SLC39A11: variants seen among roughly 807,000 people sequenced by gnomAD.
The protein encoded by SLC39A11 is zinc transporter ZIP11.
In SLC39A11, 33 loss-of-function variants were observed where a neutral mutation model predicts 36.1. The observed-to-expected ratio is 0.91, with a 90% CI of 0.69 to 1.22. The LOEUF is 1.22. SLC39A11 is among the 50% of genes most tolerant of loss of function. SLC39A11 has a pLI of 0.00. For synonymous variants in SLC39A11, 166 were observed against 170.3 expected, an observed-to-expected ratio of 0.97 and a Z score of 0.20; for missense variants, 432 against 430.3, an observed-to-expected ratio of 1.00 and a Z score of -0.03.
At chr17:72,835,077 G>T (rs1264803787) in intron 6 of SLC39A11, among the ~76,000 whole-genome samples, 5 of 152,228 alleles carry the variant, frequency 3.3e-5, no homozygotes, top group African/African-American at 1.2e-4. Context: ...ATCCAACAGC[G>T]TCATTTAGAA....
At chr17:72,849,865 T>C in intron 5 of SLC39A11, 61 bp from the exon 6 acceptor site, 1 of 1,417,550 alleles carries the variant, frequency 7.1e-7, no homozygotes, top group African/African-American at 1.4e-5. Context: ...ATGTGCACGT[T>C]AACTCTCCAG....
intron 5 of SLC39A11, among the ~76,000 whole-genome samples, chr17:72,909,954 G>A (rs930965022): frequency 9.9e-5 from 15 of 151,490 alleles, no homozygotes; most frequent in East Asian, 9.8e-4. Context: ...GGGTTTCACC[G>A]TGTTAGCCAG....
At chr17:72,967,911 G>A (rs1219127530) in intron 4 of SLC39A11, among the ~76,000 whole-genome samples, 2 of 151,858 alleles carry the variant, frequency 1.3e-5, no homozygotes, top group Admixed American at 1.3e-4. Context: ...TGCAGTCTCA[G>A]TTCTTTTCCA....
In SLC39A11 at chr17:72,647,593, G is replaced by T; in HGVS notation, c.999C>A (p.Gly333=). Residue 333 remains glycine (G), a synonymous_variant, in exon 10 of 10, where the codon GGC becomes GGA. Coordinates refer to ENST00000255559, the MANE Select transcript of SLC39A11 (RefSeq NM_139177.4). ...CCGAAGCGTCTCAGCCCTAGCCCAG[G>T]CCAACGTCCAGTGACATCATCACTA... ...GFVVMMSLDV[G]LG The T allele has an allele frequency of 6.2e-7, 1 of 1,613,706 alleles. No individual in the cohort carries two copies. The highest frequency in any genetic ancestry group is 2.2e-5 in the East Asian group (1 of 44,872).
chr17:73,042,185 A>C (rs773726060), intron 3 of SLC39A11, among the ~76,000 whole-genome samples: 1 of 152,334 alleles, frequency 6.6e-6, no homozygotes, highest in South Asian at 2.1e-4. Flanking sequence ...TTCCTTTATT[A>C]TAGTAGTGAC....
At chr17:72,901,379 G>A (rs2082388339) in intron 5 of SLC39A11, among the ~76,000 whole-genome samples, 1 of 152,196 alleles carries the variant, frequency 6.6e-6, no homozygotes, top group African/African-American at 2.4e-5. Flanking sequence ...GGTTGTGGGT[G>A]GAAGGCAGGG....
rs535102912 is a variant in SLC39A11, at chr17:72,915,827, G to A, written c.430+31925C>T. On this transcript the variant is annotated intron_variant, in intron 5 of 9. Transcript: ENST00000255559. ...GACTGCTATGAAGTGAAATGTCCCC[G>A]AATCCATTTTTTCAAAAGTCTGCTA... Among the ~76,000 whole-genome samples, 18 of 152,274 alleles carry A rather than the reference G, an allele frequency of 1.2e-4. No homozygotes were observed. The East Asian group carries it at 1.3e-3, about 11-fold the overall frequency.
intron 3 of SLC39A11, among the ~76,000 whole-genome samples, chr17:73,080,477 A>G (rs1300186119): frequency 6.6e-6 from 1 of 152,174 alleles, no homozygotes; most frequent in Non-Finnish European, 1.5e-5. Flanking sequence ...CTTATACAAA[A>G]ATCAACTTAA....
intron 6 of SLC39A11, among the ~76,000 whole-genome samples, chr17:72,792,853 T>C (rs1283803043): frequency 6.6e-6 from 1 of 152,178 alleles, no homozygotes; most frequent in Non-Finnish European, 1.5e-5. Context: ...ACACTGCCCA[T>C]TGTGCGCAGC....
At chr17:73,061,218 G>A (rs897493242) in intron 3 of SLC39A11, among the ~76,000 whole-genome samples, 4 of 152,052 alleles carry the variant, frequency 2.6e-5, no homozygotes, top group Admixed American at 2.0e-4. Context: ...AAATTAGCCG[G>A]GAGTGGTAGC....
chr17:72,823,993 A>T (rs1370353805), intron 6 of SLC39A11: 2 of 151,142 alleles, frequency 1.3e-5, no homozygotes, highest in Non-Finnish European at 3.0e-5. Context: ...ATTCAGAAAA[A>T]TTTTTTCAAT....
intron 3 of SLC39A11, among the ~76,000 whole-genome samples, chr17:73,053,571 C>T (rs1433785978): frequency 6.6e-6 from 1 of 152,168 alleles, no homozygotes; most frequent in Non-Finnish European, 1.5e-5. Context: ...GGAGACAGTA[C>T]TATCATCTCC....
At position 72,917,979 on chromosome 17, in the gene SLC39A11, T is replaced by C. The variant is rs539873966; in HGVS notation, c.430+29773A>G. Reference sequence around the variant, plus strand: ...AATGGGATCCAAAGACCTCACCTCATCGGCACTGTTACCTGCCAGGGGCAG... The same window carrying C: ...AATGGGATCCAAAGACCTCACCTCACCGGCACTGTTACCTGCCAGGGGCAG... On this transcript the variant is annotated intron_variant, in intron 5 of 9. Coordinates refer to ENST00000255559, the MANE Select transcript of SLC39A11 (RefSeq NM_139177.4). 9.2e-5 allele frequency among the ~76,000 whole-genome samples: 14 copies of C among 152,318 alleles called. No homozygotes were observed. In the South Asian group the frequency reaches 2.9e-3, roughly 32 times the overall value.
At position 72,838,016 on chromosome 17, in the gene SLC39A11, G is replaced by T. The variant is rs190598923; in HGVS notation, c.601+11618C>A. On this transcript the variant is annotated intron_variant, in intron 6 of 9. Coordinates refer to ENST00000255559, the MANE Select transcript of SLC39A11 (RefSeq NM_139177.4). Reference sequence around the variant, plus strand: ...GAATAGTGGTAGGTTGGGTACAGTGGCTTACACCTATAATCTCAGCACTAT... The same window carrying T: ...GAATAGTGGTAGGTTGGGTACAGTGTCTTACACCTATAATCTCAGCACTAT... The T allele has an allele frequency of 7.3e-6, 9 of 1,227,438 alleles. No homozygotes were observed. The African/African-American group carries it at 1.4e-4, about 19-fold the overall frequency. The allele number at this position is 1,227,438 out of a possible 1,614,324, so 76.0% of individuals were successfully genotyped here.
intron 4 of SLC39A11, among the ~76,000 whole-genome samples, chr17:73,024,281 A>G (rs990778813): frequency 6.6e-6 from 1 of 152,202 alleles, no homozygotes; most frequent in African/African-American, 2.4e-5. Flanking sequence ...CCCAGGATGC[A>G]GCATATAGCT....
intron 5 of SLC39A11, among the ~76,000 whole-genome samples, chr17:72,868,813 C>CA (rs902119027): frequency 5.5e-4 from 81 of 146,972 alleles, no homozygotes; most frequent in Admixed American, 1.8e-3. Flanking sequence ...GTCTCAAAAA[C>CA]AAAAAAAAAA....
At chr17:72,902,835 CT>C (rs2082460615) in intron 5 of SLC39A11, among the ~76,000 whole-genome samples, 1 of 152,156 alleles carries the variant, frequency 6.6e-6, no homozygotes, top group Non-Finnish European at 1.5e-5. Flanking sequence ...GTCCCAAGGC[CT>C]TTTTCCAGCA....
intron 5 of SLC39A11, among the ~76,000 whole-genome samples, chr17:72,892,733 T>C (rs2081820646): frequency 6.6e-6 from 1 of 152,178 alleles, no homozygotes; most frequent in South Asian, 2.1e-4. Context: ...TGGTCCACAA[T>C]CCAACCAGTA....
intron 7 of SLC39A11, among the ~76,000 whole-genome samples, chr17:72,668,011 T>C (rs1286747697): frequency 1.3e-5 from 2 of 152,162 alleles, no homozygotes; most frequent in Admixed American, 6.5e-5. Context: ...GCAGAAACAG[T>C]GCAGAGTGAG....
Sources: allele counts gnomAD v4.1 joint callset (sites outside exome capture counted in the v4.1 genomes callset), GRCh38; gene constraint gnomAD v4.1.1; transcripts MANE v1.5; gene names NCBI Gene and HGNC (gene_info 2026-07-23, HGNC 2026-07-21).